The following SLC9A5 variants were observed in gnomAD, a reference collection of about 807,000 sequenced individuals.
The protein encoded by SLC9A5 is sodium/hydrogen exchanger 5.
A neutral mutation model predicts 91.7 loss-of-function variants in SLC9A5; 52 were observed. The observed-to-expected ratio is 0.57, with a 90% CI of 0.45 to 0.71. The LOEUF (loss-of-function observed/expected upper bound fraction) is 0.71. SLC9A5 is among the 30% of genes least tolerant of loss of function. The probability of loss-of-function intolerance (pLI) is 0.00; values close to 1 mark genes in which losing one functional copy is unlikely to be tolerated. For missense variants in SLC9A5, 871 were observed against 1,158.9 expected (o/e 0.75, Z 3.61); for synonymous variants, 419 against 474.5 (o/e 0.88, Z 1.52).
rs2035404465 is a variant in SLC9A5 at position 67,258,567 on chromosome 16, C to T, written c.1626+120C>T. ...GGGAGTTGGGAATTCCTAGCTGGCT[C>T]CATGGTCTGGTGAAGTGGCAGCGGC... On this transcript the variant is annotated intron_variant, in intron 10 of 15. Transcript: ENST00000299798. This position sits in a 1 kb window ranked among gnomAD's most constrained non-coding sequence, Gnocchi z 4.5. 1 of 1,215,936 alleles carries T rather than the reference C, an allele frequency of 8.2e-7. No homozygotes were observed. The highest frequency in any genetic ancestry group is 1.5e-5 in the African/African-American group (1 of 67,626). The allele number at this position is 1,215,936 out of a possible 1,614,324, so 75.3% of individuals were successfully genotyped here.
At chr16:67,253,275 G>A (rs1405055497) in intron 2 of SLC9A5, among the ~76,000 whole-genome samples, 1 of 151,510 alleles carries the variant, frequency 6.6e-6, no homozygotes, top group Non-Finnish European at 1.5e-5. Context: ...ACTATATGTT[G>A]TCTATAAGAA....
intron 15 of SLC9A5, among the ~76,000 whole-genome samples, chr16:67,268,555 C>G (rs1597365927): frequency 6.7e-6 from 1 of 149,208 alleles, no homozygotes; most frequent in East Asian, 2.0e-4. Flanking sequence ...GAACAACACT[C>G]TGTCTCTTGG....
chr16:67,254,295 C>T (rs539935794), intron 2 of SLC9A5, among the ~76,000 whole-genome samples: 2 of 152,328 alleles, frequency 1.3e-5, no homozygotes, highest in Non-Finnish European at 2.9e-5. Context: ...GGAGAAAGCA[C>T]TCTCTTTTGT....
At chr16:67,259,724 C>A (rs1215102294) in intron 11 of SLC9A5, 63 bp downstream of exon 11, 1 of 1,592,596 alleles carries the variant, frequency 6.3e-7, no homozygotes, top group Non-Finnish European at 8.6e-7. Flanking sequence ...TCTCTGAGTC[C>A]CTTCTGGGGG....
In SLC9A5 at chr16:67,255,562, T is replaced by A; in HGVS notation, c.733+91T>A. 2.1e-6 allele frequency: 3 copies of A among 1,396,394 alleles called. No individual in the cohort carries two copies. The highest frequency in any genetic ancestry group is 3.0e-6 in the Non-Finnish European group (3 of 987,326). The allele number at this position is 1,396,394 out of a possible 1,614,324, so 86.5% of individuals were successfully genotyped here. A position where few individuals can be genotyped will look rare whatever the true frequency, so the allele number is the denominator to read the frequency against. The stretch of plus-strand genomic sequence containing the variant: ...CACCCCGCATCAGGACAGAAGAGGC[T>A]ATTCGGGTTGCCTCATCTCCTCTAT... On this transcript the variant is annotated intron_variant, in intron 4 of 15. Coordinates refer to ENST00000299798, the MANE Select transcript of SLC9A5 (RefSeq NM_004594.3). The surrounding 1 kb of genome is among the most constrained non-coding windows in gnomAD (Gnocchi z 4.9).
chr16:67,269,886 C>T (rs556737940), intron 15 of SLC9A5, among the ~76,000 whole-genome samples: 193 of 152,268 alleles, frequency 1.3e-3, no homozygotes, highest in Non-Finnish European at 2.2e-3. Context: ...CCCTATGCCT[C>T]GTCATCCCCT....
chr16:67,266,894 CT>C (rs1391036069), intron 15 of SLC9A5, among the ~76,000 whole-genome samples: 2 of 126,934 alleles, frequency 1.6e-5, no homozygotes, highest in African/African-American at 6.1e-5. Context: ...TTGCTATAAT[CT>C]TTTTTTTCTT....
intron 1 of SLC9A5, among the ~76,000 whole-genome samples, 156 bp downstream of exon 1, chr16:67,249,357 A>G (rs1442612681): frequency 6.6e-6 from 1 of 152,216 alleles, no homozygotes; most frequent in Non-Finnish European, 1.5e-5. Flanking sequence ...CAGTTCCTGC[A>G]TCGCTTCTTG....
At chr16:67,261,737 T>A (rs2035537301) in intron 12 of SLC9A5, 1 of 152,296 alleles carries the variant, frequency 6.6e-6, no homozygotes, top group African/African-American at 2.4e-5. Flanking sequence ...GCTGGATACT[T>A]TCTCTTGGAG....
Position 67,258,081 on chromosome 16 carries a change from A to G in SLC9A5, c.1497-237A>G, listed in dbSNP as rs1392547007. Among the ~76,000 whole-genome samples the G allele has an allele frequency of 2.0e-5, 3 of 152,224 alleles. No homozygotes were observed. The East Asian group carries it at 5.8e-4, about 29-fold the overall frequency. ...GTCATATTCTCTAATTATCCTTTGT[A>G]GTTCTTGTCATGGTTGCAATTTTAC... On this transcript the variant is annotated intron_variant, in intron 9 of 15. Transcript: ENST00000299798. This position sits in a 1 kb window ranked among gnomAD's most constrained non-coding sequence, Gnocchi z 4.5.
chr16:67,254,002 G>A (rs559976725), intron 2 of SLC9A5, among the ~76,000 whole-genome samples: 5 of 152,316 alleles, frequency 3.3e-5, no homozygotes, highest in African/African-American at 1.2e-4. Flanking sequence ...CCCTATTGAG[G>A]TAGTGAACTA....
Position 67,257,435 on chromosome 16 carries a change from G to T in SLC9A5, c.1425+1G>T. 7 of 1,614,044 alleles carry T rather than the reference G, an allele frequency of 4.3e-6. No homozygotes were observed. The highest frequency in any genetic ancestry group is 1.1e-5 in the South Asian group (1 of 91,088). ...CCTGAACCAGGAGCTGCATGAACAC[G>T]TGGGTATCAGAACCCCAGCCCTCGC... is the stretch of plus-strand genomic sequence containing the variant. On this transcript the variant is annotated splice_donor_variant, in intron 8 of 15. Coordinates refer to ENST00000299798, the MANE Select transcript of SLC9A5 (RefSeq NM_004594.3). LOFTEE classifies it high-confidence loss of function. The surrounding 1 kb of genome is among the most constrained non-coding windows in gnomAD (Gnocchi z 5.1).
chr16:67,264,892 T>A (rs1032082263), intron 13 of SLC9A5, 148 bp from the exon 14 acceptor site: 1 of 765,714 alleles, frequency 1.3e-6, no homozygotes, highest in African/African-American at 1.7e-5. Context: ...TCTTGCCTGG[T>A]TGGCCAAGGG....
chr16:67,269,701 G>A (rs1189659566), intron 15 of SLC9A5, among the ~76,000 whole-genome samples: 1 of 152,126 alleles, frequency 6.6e-6, no homozygotes, highest in African/African-American at 2.4e-5. Context: ...TCAAACAGAA[G>A]CTTATTGGGC....
intron 13 of SLC9A5, 67 bp downstream of exon 13, chr16:67,264,589 A>C: frequency 1.3e-6 from 2 of 1,539,248 alleles, no homozygotes; most frequent in Non-Finnish European, 1.8e-6. Flanking sequence ...TGAGCCCCCT[A>C]GTGTTAGGAT....
In SLC9A5 at chr16:67,255,299, G is replaced by T; in HGVS notation, c.655-94G>T. 1.3e-6 allele frequency: 2 copies of T among 1,521,426 alleles called. No homozygotes were observed. Among genetic ancestry groups the T allele is most frequent in the Non-Finnish European group, 1.8e-6 (2 of 1,108,266 alleles). 94.2% of individuals were successfully genotyped at this position (1,521,426 alleles called of 1,614,324 possible). On this transcript the variant is annotated intron_variant, in intron 3 of 15. Coordinates refer to ENST00000299798, the MANE Select transcript of SLC9A5 (RefSeq NM_004594.3). The surrounding 1 kb of genome is among the most constrained non-coding windows in gnomAD (Gnocchi z 4.9). ...GGGTCCCCTGGGGCAGAAATATGCT[G>T]TCTGCTTTCACCCTGCTCTCCCAGC...
Position 67,270,622 on chromosome 16 carries a change from G to A in SLC9A5, c.2219-116G>A, listed in dbSNP as rs925638860. On this transcript the variant is annotated intron_variant, in intron 15 of 15. Transcript: ENST00000299798. The surrounding 1 kb of genome is among the most constrained non-coding windows in gnomAD (Gnocchi z 4.3). ...CTTCGCCTCAGCAAGACATTCATCC[G>A]ATAATCGCAAAAATGGACGGCATAT... 1.3e-5 allele frequency: 10 copies of A among 755,022 alleles called. No individual in the cohort carries two copies. The Admixed American group carries it at 1.8e-4, about 13-fold the overall frequency. The allele number at this position is 755,022 out of a possible 1,614,324, so 46.8% of individuals were successfully genotyped here. A position where few individuals can be genotyped will look rare whatever the true frequency, so the allele number is the denominator to read the frequency against.
intron 1 of SLC9A5, among the ~76,000 whole-genome samples, chr16:67,249,426 G>C (rs1024590858): frequency 2.0e-5 from 3 of 152,206 alleles, no homozygotes; most frequent in Non-Finnish European, 1.5e-5. Context: ...TTTCTGAAGG[G>C]CTGTCCCCCG....
intron 14 of SLC9A5, among the ~76,000 whole-genome samples, chr16:67,265,347 A>G (rs2035664489): frequency 6.6e-6 from 1 of 152,188 alleles, no homozygotes; most frequent in Non-Finnish European, 1.5e-5. Flanking sequence ...AAAATGTGTC[A>G]TGGAGATGGG....
Sources: gnomAD v4.1 joint callset for allele counts (sites outside exome capture counted in the v4.1 genomes callset) on GRCh38, gnomAD v4.1.1 for gene constraint, Gnocchi (gnomAD v3.1) non-coding constraint, MANE v1.5 for transcripts, NCBI Gene and HGNC (gene_info 2026-07-23, HGNC 2026-07-21) for gene names.